The following CDH12 variants were observed in gnomAD, a reference collection of about 807,000 sequenced individuals.
CDH12 encodes cadherin 12.
In CDH12, 41 loss-of-function variants were observed where a neutral mutation model predicts 74.1. The observed-to-expected ratio is 0.55, with a 90% CI of 0.43 to 0.72. The LOEUF is 0.72. Among genes scored for constraint, CDH12 ranks in the 30% least tolerant of loss-of-function variants. The pLI is 0.00. For missense variants in CDH12, 945 were observed against 977.2 expected (o/e 0.97, Z 0.44); for synonymous variants, 399 against 355.0 (o/e 1.12, Z -1.39).
chr5:21,849,961 A>G (rs2149995640), intron 7 of CDH12, among the ~76,000 whole-genome samples: 1 of 151,860 alleles, frequency 6.6e-6, no homozygotes, highest in East Asian at 1.9e-4. Flanking sequence ...ATAATGGAAT[A>G]CTATTCAACC....
At chr5:21,923,969 T>G (rs954547867) in intron 6 of CDH12, among the ~76,000 whole-genome samples, 1 of 152,146 alleles carries the variant, frequency 6.6e-6, no homozygotes. Context: ...ACTGTCTTCA[T>G]AGTGGAGAAA....
chr5:21,825,917 T>C (rs978770635), intron 8 of CDH12, among the ~76,000 whole-genome samples: 3 of 152,176 alleles, frequency 2.0e-5, no homozygotes, highest in Non-Finnish European at 1.5e-5. Flanking sequence ...TTGGTTGCAT[T>C]TTGGTATCAT....
intron 5 of CDH12, among the ~76,000 whole-genome samples, chr5:22,023,605 A>T (rs1738148839): frequency 6.6e-6 from 1 of 151,992 alleles, no homozygotes; most frequent in Non-Finnish European, 1.5e-5. Flanking sequence ...ACACACACAA[A>T]TTTCTATAAT....
chr5:22,577,157 C>T (rs1171450204), intron 1 of CDH12, among the ~76,000 whole-genome samples: 2 of 152,056 alleles, frequency 1.3e-5, no homozygotes, highest in Non-Finnish European at 2.9e-5. Context: ...AGGTCTGAGT[C>T]CCTGATTAGA....
intron 1 of CDH12, among the ~76,000 whole-genome samples, chr5:22,743,809 A>G (rs763273548): frequency 5.9e-5 from 9 of 152,226 alleles, no homozygotes; most frequent in Non-Finnish European, 1.0e-4. Flanking sequence ...GAAGTCTTCA[A>G]TGGCTGACAT....
chr5:22,508,582 T>C (rs986105530), intron 1 of CDH12, among the ~76,000 whole-genome samples: 6 of 152,176 alleles, frequency 3.9e-5, no homozygotes, highest in Non-Finnish European at 7.4e-5. Context: ...GCATTTGTCA[T>C]CTGTTGTCTC....
intron 5 of CDH12, among the ~76,000 whole-genome samples, chr5:21,982,484 G>T (rs529241454): frequency 6.6e-5 from 10 of 151,036 alleles, no homozygotes; most frequent in African/African-American, 2.4e-4. Context: ...TATATAGAGA[G>T]ATATATCTAT....
At chr5:21,853,733 G>A (rs979326588) in intron 7 of CDH12, among the ~76,000 whole-genome samples, 5 of 151,582 alleles carry the variant, frequency 3.3e-5, no homozygotes, top group South Asian at 4.1e-4. Context: ...TGTCTGAAAC[G>A]TATACTTCTC....
At chr5:22,161,860 A>G (rs1748374217) in intron 4 of CDH12, among the ~76,000 whole-genome samples, 1 of 152,128 alleles carries the variant, frequency 6.6e-6, no homozygotes, top group African/African-American at 2.4e-5. Context: ...TATTTAAAAA[A>G]TAACATGCAT....
At chr5:22,334,698 A>T (rs564305439) in intron 3 of CDH12, among the ~76,000 whole-genome samples, 3 of 152,228 alleles carry the variant, frequency 2.0e-5, no homozygotes, top group Admixed American at 6.5e-5. Flanking sequence ...TAAATCCACA[A>T]ATCTACAGTG....
chr5:22,180,387 AT>A (rs1044596219), intron 4 of CDH12, among the ~76,000 whole-genome samples: 37 of 151,484 alleles, frequency 2.4e-4, no homozygotes, highest in African/African-American at 7.7e-4. Context: ...CAGTGGCTTA[AT>A]TTTTTTTTCC....
chr5:22,692,275 C>A (rs1353043404), intron 1 of CDH12, among the ~76,000 whole-genome samples: 3 of 152,116 alleles, frequency 2.0e-5, no homozygotes, highest in South Asian at 2.1e-4. Context: ...CTCATACAGG[C>A]TACAGAGCTA....
At chr5:21,944,682 A>G (rs1292147920) in intron 6 of CDH12, among the ~76,000 whole-genome samples, 1 of 151,826 alleles carries the variant, frequency 6.6e-6, no homozygotes, top group Admixed American at 6.6e-5. Flanking sequence ...TCCAACTCCT[A>G]CTCCTTGGAA....
chr5:22,156,435 T>C (rs1748026931), intron 4 of CDH12, among the ~76,000 whole-genome samples: 1 of 152,160 alleles, frequency 6.6e-6, no homozygotes, highest in African/African-American at 2.4e-5. Flanking sequence ...CTCAACTTGA[T>C]GAAAAAATGC....
intron 1 of CDH12, among the ~76,000 whole-genome samples, chr5:22,682,874 G>A (rs769330747): frequency 2.6e-5 from 4 of 151,924 alleles, no homozygotes; most frequent in African/African-American, 4.8e-5. Flanking sequence ...TAACAATTTT[G>A]CTATCTTCCA....
chr5:22,737,730 T>C (rs577670851), intron 1 of CDH12, among the ~76,000 whole-genome samples: 1 of 152,206 alleles, frequency 6.6e-6, no homozygotes, highest in South Asian at 2.1e-4. Context: ...GTAATAACTG[T>C]TCAAAATATT....
chr5:22,494,544 T>C (rs1255528998), intron 2 of CDH12, among the ~76,000 whole-genome samples: 1 of 152,240 alleles, frequency 6.6e-6, no homozygotes, highest in Non-Finnish European at 1.5e-5. Context: ...GTTTTGATCT[T>C]TATTTTGAAG....
chr5:22,751,200 TA>T (rs939662635), intron 1 of CDH12, among the ~76,000 whole-genome samples: 3 of 151,426 alleles, frequency 2.0e-5, no homozygotes, highest in Non-Finnish European at 4.4e-5. Context: ...GGCGGCAAGA[TA>T]GGAGGAAATG....
intron 1 of CDH12, among the ~76,000 whole-genome samples, chr5:22,519,964 G>GT (rs900522146): frequency 3.3e-5 from 5 of 151,650 alleles, no homozygotes; most frequent in South Asian, 2.1e-4. Context: ...TAATAGACTT[G>GT]TTTTTTTTCT....
Sources: allele counts gnomAD v4.1 joint callset (sites outside exome capture counted in the v4.1 genomes callset), GRCh38; gene constraint gnomAD v4.1.1; transcripts MANE v1.5; gene names NCBI Gene and HGNC (gene_info 2026-07-23, HGNC 2026-07-21).